Variants in PLCB1 observed in about 807,000 individuals in gnomAD.
PLCB1 encodes the protein phospholipase C beta 1, also known as 1-phosphatidylinositol 4,5-bisphosphate phosphodiesterase beta-1.
In PLCB1, 46 loss-of-function variants were observed where a neutral mutation model predicts 161.8. The observed-to-expected ratio is 0.28, with a 90% confidence interval of 0.22 to 0.36. The LOEUF is 0.36. PLCB1 is among the 10% of genes least tolerant of loss of function. The pLI, the probability that PLCB1 is intolerant of heterozygous loss-of-function variation, is 1.00. For missense variants in PLCB1, 1,016 were observed against 1,472.5 expected, an observed-to-expected ratio of 0.69 and a Z score of 5.07; for synonymous variants, 517 against 503.7, an observed-to-expected ratio of 1.03 and a Z score of -0.35.
At chr20:8,424,069 C>T (rs1979645559) in intron 3 of PLCB1, among the ~76,000 whole-genome samples, 1 of 152,166 alleles carries the variant, frequency 6.6e-6, no homozygotes, top group South Asian at 2.1e-4. Context: ...TCACTCCTTC[C>T]ATTTTACAAT....
intron 17 of PLCB1, 110 bp downstream of exon 17, chr20:8,727,503 A>G (rs943058086): frequency 1.1e-5 from 7 of 658,104 alleles, no homozygotes; most frequent in Non-Finnish European, 1.9e-5. Context: ...GCTTAAGTAT[A>G]TAGCCTGGGG....
intron 3 of PLCB1, among the ~76,000 whole-genome samples, chr20:8,406,843 G>A (rs1043498300): frequency 4.6e-5 from 7 of 152,104 alleles, no homozygotes; most frequent in South Asian, 4.1e-4. Flanking sequence ...TTTAAAATCC[G>A]TTTATTGGGG....
intron 3 of PLCB1, among the ~76,000 whole-genome samples, chr20:8,625,030 G>A (rs1029674771): frequency 3.3e-5 from 5 of 152,240 alleles, no homozygotes; most frequent in East Asian, 1.9e-4. Flanking sequence ...TGGTAGAATA[G>A]GTTTGGGAGA....
chr20:8,172,584 A>G (rs964928011), intron 2 of PLCB1, among the ~76,000 whole-genome samples: 4 of 152,204 alleles, frequency 2.6e-5, no homozygotes, highest in Non-Finnish European at 4.4e-5. Context: ...TTTTCTCTGC[A>G]TGAAATTCAA....
At chr20:8,392,574 G>A (rs1987640179) in intron 3 of PLCB1, among the ~76,000 whole-genome samples, 1 of 152,024 alleles carries the variant, frequency 6.6e-6, no homozygotes, top group African/African-American at 2.4e-5. Flanking sequence ...ATGATCCCTG[G>A]GGACTAAAGG....
intron 2 of PLCB1, among the ~76,000 whole-genome samples, chr20:8,327,506 G>A (rs1985203922): frequency 6.6e-6 from 1 of 152,192 alleles, no homozygotes; most frequent in African/African-American, 2.4e-5. Context: ...TAATGCAAGA[G>A]TTCAACCAAC....
chr20:8,616,995 T>C (rs1988056023), intron 3 of PLCB1, among the ~76,000 whole-genome samples: 1 of 152,084 alleles, frequency 6.6e-6, no homozygotes, highest in South Asian at 2.1e-4. Context: ...AGGAGAGAGA[T>C]CTTGAAAGCA....
chr20:8,810,512 C>T (rs1395539146), intron 31 of PLCB1, among the ~76,000 whole-genome samples: 1 of 152,022 alleles, frequency 6.6e-6, no homozygotes, highest in Admixed American at 6.6e-5. Flanking sequence ...AATTTATGTG[C>T]CCCCAAATTT....
chr20:8,867,774 G>A (rs1234566147), intron 31 of PLCB1, among the ~76,000 whole-genome samples: 2 of 152,062 alleles, frequency 1.3e-5, no homozygotes, highest in Non-Finnish European at 2.9e-5. Context: ...ATTCCACTTG[G>A]CTACAGATTC....
intron 2 of PLCB1, among the ~76,000 whole-genome samples, chr20:8,162,190 CAT>C (rs559838235): frequency 2.0e-4 from 31 of 152,274 alleles, no homozygotes; most frequent in Admixed American, 2.0e-3. Context: ...CGTTACCAAA[CAT>C]GTCCTCAGAA....
In PLCB1 at chr20:8,856,413, C is replaced by T. The variant is rs559435685; in HGVS notation, c.3424-25209C>T. Among the ~76,000 whole-genome samples, 12 of 152,068 alleles carry T rather than the reference C, an allele frequency of 7.9e-5. No homozygotes were observed. In the East Asian group the frequency reaches 2.3e-3, roughly 29 times the overall value. On this transcript the variant is annotated intron_variant, in intron 31 of 31. Transcript: ENST00000338037. ...GGTGAATCACTTGAGGCCAGGAGTTCGAGACCAGCCTGGCCAACATGATAA... is the reference window on the plus strand; with the variant it reads ...GGTGAATCACTTGAGGCCAGGAGTTTGAGACCAGCCTGGCCAACATGATAA...
At chr20:8,633,341 T>G (rs982044214) in intron 4 of PLCB1, among the ~76,000 whole-genome samples, 17 of 152,160 alleles carry the variant, frequency 1.1e-4, no homozygotes, top group African/African-American at 3.9e-4. Context: ...AAGTTCAGTT[T>G]TGGTTACGTT....
At position 8,407,732 on chromosome 20, in the gene PLCB1, G is replaced by A. The variant is rs539581920; in HGVS notation, c.246+36282G>A. ...CAAACCAAATCACACTCCCTCAGCCGGTGATCAGGTCAACATTTTCAGTAT... is the reference window on the plus strand; with the variant it reads ...CAAACCAAATCACACTCCCTCAGCCAGTGATCAGGTCAACATTTTCAGTAT... On this transcript the variant is annotated intron_variant, in intron 3 of 31. Transcript: ENST00000338037. Among the ~76,000 whole-genome samples, 15 of 152,146 alleles carry A rather than the reference G, an allele frequency of 9.9e-5. No individual in the cohort carries two copies. The East Asian group carries it at 1.2e-3, about 12-fold the overall frequency.
chr20:8,213,267 C>T (rs1321454380), intron 2 of PLCB1, among the ~76,000 whole-genome samples: 1 of 152,140 alleles, frequency 6.6e-6, no homozygotes, highest in Non-Finnish European at 1.5e-5. Context: ...GGCAGGAATG[C>T]CTGTGCTTTT....
intron 31 of PLCB1, among the ~76,000 whole-genome samples, chr20:8,853,123 A>T (rs908613383): frequency 3.0e-4 from 46 of 152,234 alleles, no homozygotes; most frequent in Non-Finnish European, 6.0e-4. Context: ...CACAAAATTT[A>T]AAAAAAGTAT....
Position 8,757,015 on chromosome 20 carries a change from G to A in PLCB1, c.2524-31G>A, listed in dbSNP as rs770075430. The A allele has an allele frequency of 7.4e-5, 115 of 1,563,034 alleles. No individual in the cohort carries two copies. The Admixed American group carries it at 2.2e-3, about 29-fold the overall frequency. ...AGGCAAGAAAAGAATAAAAAGAAAT[G>A]TGGAAAATGAAAGGATATTTATAAT... is the stretch of plus-strand genomic sequence containing the variant. On this transcript the variant is annotated intron_variant, in intron 23 of 31. Coordinates refer to ENST00000338037, the MANE Select transcript of PLCB1 (RefSeq NM_015192.4).
intron 23 of PLCB1, among the ~76,000 whole-genome samples, chr20:8,744,616 T>TAAATAAAATAAAATAAAATAA (rs1981058792): frequency 2.5e-5 from 3 of 121,222 alleles, no homozygotes; most frequent in East Asian, 4.3e-4. Context: ...AAAAATAAAA[T>TAAATAAAATAAAATAAAATAA]AAATAAAATA....
At chr20:8,838,928 G>A (rs757101675) in intron 31 of PLCB1, among the ~76,000 whole-genome samples, 2 of 152,098 alleles carry the variant, frequency 1.3e-5, no homozygotes, top group Non-Finnish European at 1.5e-5. Context: ...AATAAGGCTC[G>A]TGAGAAGCAG....
At chr20:8,373,669 A>G (rs77002408) in intron 3 of PLCB1, among the ~76,000 whole-genome samples, 4,162 of 152,276 alleles carry the variant, frequency 0.027, 201 homozygotes, top group African/African-American at 0.094. Context: ...TACTTACTAA[A>G]TATTAGCCAA....
Sources: gnomAD v4.1 joint callset for allele counts (sites outside exome capture counted in the v4.1 genomes callset) on GRCh38, gnomAD v4.1.1 for gene constraint, MANE v1.5 for transcripts, NCBI Gene and HGNC (gene_info 2026-07-23, HGNC 2026-07-21) for gene names.